Variants in FAAH2 observed in about 807,000 individuals in gnomAD.
FAAH2 encodes fatty acid amide hydrolase 2, also known as fatty-acid amide hydrolase 2.
Under a neutral mutation model 36.9 loss-of-function variants are expected in FAAH2, and 60 were observed. The ratio of observed to expected loss-of-function variants is 1.63; its 90% CI spans 1.32 to 2.02. FAAH2 has a LOEUF of 2.02. FAAH2 is among the 30% of genes most tolerant of loss of function. FAAH2 has a pLI of 0.00. For synonymous variants in FAAH2, 214 were observed against 143.8 expected (o/e 1.49, Z -3.49); for missense variants, 689 against 397.5 (o/e 1.73, Z -6.23).
chrX:57,239,116 T>C, the FAAH2 span, among the ~76,000 whole-genome samples: 1 of 112,124 alleles, frequency 8.9e-6, no homozygotes, highest in African/African-American at 3.2e-5. Flanking sequence ...ATGTCTTTGC[T>C]ATTGCAAATA....
At chrX:57,187,128 G>A in the FAAH2 span, among the ~76,000 whole-genome samples, 1 of 111,221 alleles carries the variant, frequency 9.0e-6, no homozygotes, top group African/African-American at 3.3e-5. Flanking sequence ...TGATGGGAAT[G>A]GCATTAAATC....
chrX:57,331,287 G>T (rs1306586725), intron 3 of FAAH2, among the ~76,000 whole-genome samples: 3 of 111,471 alleles, frequency 2.7e-5, no homozygotes, highest in African/African-American at 9.8e-5. Flanking sequence ...AAAGTGGGTT[G>T]CTCCTTGACT....
At chrX:57,272,023 T>C in the FAAH2 span, among the ~76,000 whole-genome samples, 1 of 109,195 alleles carries the variant, frequency 9.2e-6, no homozygotes, top group African/African-American at 3.3e-5. Context: ...GTTAGCCGAA[T>C]TGCTAACTAG....
the FAAH2 span, among the ~76,000 whole-genome samples, chrX:57,145,992 G>C: frequency 9.1e-6 from 1 of 109,744 alleles, no homozygotes; most frequent in Admixed American, 9.7e-5. Context: ...TGGGTAATGT[G>C]ATGCCTCCAA....
intron 7 of FAAH2, among the ~76,000 whole-genome samples, chrX:57,431,191 T>A (rs780004310): frequency 8.9e-6 from 1 of 111,979 alleles, no homozygotes; most frequent in East Asian, 2.8e-4. Context: ...TGGATTTATG[T>A]CTATATAAAT....
At chrX:57,135,003 G>A in the FAAH2 span, 3 of 111,826 alleles carry the variant, frequency 2.7e-5, no homozygotes, top group African/African-American at 9.8e-5. Flanking sequence ...GCCAGGAAGA[G>A]CAATGTGGAC....
the FAAH2 span, among the ~76,000 whole-genome samples, chrX:57,183,511 G>A: frequency 9.0e-6 from 1 of 111,529 alleles, no homozygotes; most frequent in African/African-American, 3.3e-5. Context: ...CAAATGGAGG[G>A]ACCAGCTGGA....
intron 5 of FAAH2, among the ~76,000 whole-genome samples, chrX:57,342,995 G>A (rs2053725339): frequency 9.0e-6 from 1 of 111,717 alleles, no homozygotes; most frequent in Non-Finnish European, 1.9e-5. Flanking sequence ...ATGGTGTAAA[G>A]GTACTACATA....
At chrX:57,137,092 C>T in the FAAH2 span, 90 of 780,734 alleles carry the variant, frequency 1.2e-4, no homozygotes, top group African/African-American at 3.7e-4. Flanking sequence ...CTTTCCCTGT[C>T]GTCCACCGCA....
rs775375031 is a variant in FAAH2, at chrX:57,286,899, G to A, written c.74G>A (p.Gly25Asp). 8.3e-7 allele frequency: 1 copy of A among 1,204,638 alleles called. No individual in the cohort carries two copies. Among genetic ancestry groups the A allele is most frequent in the Non-Finnish European group, 1.1e-6 (1 of 892,076 alleles). ...CTAGGCTTTCTCATAGGCTTAGTAG[G>A]CCGAGCAGCTTTAGTCTTAGGGGGT... is the stretch of plus-strand genomic sequence containing the variant. ...RALGFLIGLV[G>D]RAALVLGGPK... Residue 25 changes from glycine to aspartate, a missense_variant, in exon 1 of 11, where the codon GGC (glycine) becomes GAC (aspartate). Gly to Asp is a moderately conservative substitution (Grantham distance 94). Transcript: ENST00000374900.
the FAAH2 span, among the ~76,000 whole-genome samples, chrX:57,213,258 G>T: frequency 1.8e-5 from 2 of 110,846 alleles, no homozygotes; most frequent in African/African-American, 6.6e-5. Context: ...TATCAATTTG[G>T]TTTATCATTT....
At position 57,392,951 on chromosome X, in the gene FAAH2, C is replaced by T. The variant is rs749755353; in HGVS notation, c.996+11922C>T. The T allele has an allele frequency of 8.8e-5, 80 of 914,145 alleles. No individual in the cohort carries two copies. In the South Asian group the frequency reaches 1.6e-3, roughly 18 times the overall value. 75.3% of individuals were successfully genotyped at this position (914,145 alleles called of 1,213,427 possible). A position where few individuals can be genotyped will look rare whatever the true frequency, so the allele number is the denominator to read the frequency against. Reference sequence around the variant, plus strand: ...ATTCAATGTTGTCTGCTCCATAGATCTTCTGTGCAATGATCCTGATTTTAT... The same window carrying T: ...ATTCAATGTTGTCTGCTCCATAGATTTTCTGTGCAATGATCCTGATTTTAT... On this transcript the variant is annotated intron_variant, in intron 7 of 10. Coordinates refer to ENST00000374900, the MANE Select transcript of FAAH2 (RefSeq NM_174912.4).
the FAAH2 span, among the ~76,000 whole-genome samples, chrX:57,125,802 T>C: frequency 8.9e-6 from 1 of 112,309 alleles, no homozygotes; most frequent in Non-Finnish European, 1.9e-5. Flanking sequence ...GTGTTCATCA[T>C]TAGGTTGTAT....
intron 10 of FAAH2, among the ~76,000 whole-genome samples, chrX:57,460,910 T>G (rs1306661439): frequency 1.8e-5 from 2 of 111,216 alleles, no homozygotes; most frequent in Non-Finnish European, 3.8e-5. Context: ...GGGACCCACC[T>G]CACGTGCAAA....
intron 10 of FAAH2, among the ~76,000 whole-genome samples, chrX:57,460,390 G>T (rs1356591518): frequency 9.0e-6 from 1 of 111,588 alleles, no homozygotes; most frequent in Non-Finnish European, 1.9e-5. Flanking sequence ...TGGAATAAAT[G>T]TTAAGGGCAG....
intron 5 of FAAH2, among the ~76,000 whole-genome samples, chrX:57,348,421 C>A (rs1389891433): frequency 9.0e-6 from 1 of 111,029 alleles, no homozygotes; most frequent in Non-Finnish European, 1.9e-5. Flanking sequence ...GCTTAAGAGC[C>A]CACTTTCCTA....
the FAAH2 span, among the ~76,000 whole-genome samples, chrX:57,243,866 A>G: frequency 6.3e-5 from 7 of 110,877 alleles, no homozygotes; most frequent in South Asian, 2.3e-3. Flanking sequence ...ATTCCTTTTC[A>G]GCAAGGGAAC....
the FAAH2 span, among the ~76,000 whole-genome samples, chrX:57,265,289 A>G: frequency 9.0e-6 from 1 of 111,648 alleles, no homozygotes; most frequent in Non-Finnish European, 1.9e-5. Flanking sequence ...AGACCCCTGT[A>G]CATACCCCTA....
chrX:57,171,995 TATAGA>T, the FAAH2 span, among the ~76,000 whole-genome samples: 1 of 112,123 alleles, frequency 8.9e-6, no homozygotes, highest in Non-Finnish European at 1.9e-5. Flanking sequence ...CTAGCACATT[TATAGA>T]ATAGTGTGTC....
Sources: allele counts gnomAD v4.1 joint callset (sites outside exome capture counted in the v4.1 genomes callset), GRCh38; gene constraint gnomAD v4.1.1; transcripts MANE v1.5; gene names NCBI Gene and HGNC (gene_info 2026-07-23, HGNC 2026-07-21).